MYCT1: variants seen among roughly 807,000 people sequenced by gnomAD.
MYCT1 encodes MYC target 1.
MYCT1 carries 12 observed loss-of-function variants against 15.0 expected under a neutral mutation model. The ratio of observed to expected loss-of-function variants is 0.80; its 90% CI spans 0.51 to 1.29. The LOEUF is 1.29. Among genes scored for constraint, MYCT1 ranks in the 50% most tolerant of loss-of-function variants. MYCT1 has a pLI of 0.00. For synonymous variants in MYCT1, 104 were observed against 102.7 expected, an observed-to-expected ratio of 1.01 and a Z score of -0.07; for missense variants, 287 against 279.1, an observed-to-expected ratio of 1.03 and a Z score of -0.20.
chr6:152,707,973 A>G (rs2099722595), intron 1 of MYCT1, among the ~76,000 whole-genome samples: 1 of 151,902 alleles, frequency 6.6e-6, no homozygotes, highest in South Asian at 2.1e-4. Context: ...TTGTATTGTC[A>G]TCATATACAA....
At chr6:152,739,336 ATTTTTGTATTT>A in the MYCT1 span, among the ~76,000 whole-genome samples, 1 of 151,620 alleles carries the variant, frequency 6.6e-6, no homozygotes, top group Non-Finnish European at 1.5e-5. Context: ...TATTCTAAAT[ATTTTTGTATTT>A]TTTTTTGCTG....
At chr6:152,742,608 A>C in the MYCT1 span, among the ~76,000 whole-genome samples, 2 of 152,210 alleles carry the variant, frequency 1.3e-5, no homozygotes, top group Non-Finnish European at 2.9e-5. Flanking sequence ...GCTTGGAAGA[A>C]AAAAGGTTGT....
chr6:152,738,586 AT>A, the MYCT1 span, among the ~76,000 whole-genome samples: 5 of 152,004 alleles, frequency 3.3e-5, no homozygotes, highest in South Asian at 4.2e-4. Flanking sequence ...TTTATACCAT[AT>A]TTTTTTTCCT....
the MYCT1 span, among the ~76,000 whole-genome samples, chr6:152,736,300 T>C: frequency 2.0e-5 from 3 of 152,144 alleles, no homozygotes; most frequent in African/African-American, 7.2e-5. Flanking sequence ...AATTACTAAG[T>C]AATACCCTTA....
At chr6:152,701,831 C>T (rs7754343) in intron 1 of MYCT1, among the ~76,000 whole-genome samples, 1 of 152,118 alleles carries the variant, frequency 6.6e-6, no homozygotes, top group East Asian at 1.9e-4. Flanking sequence ...TATTCGGGTA[C>T]TTCTCCATCT....
At chr6:152,699,468 G>A (rs1270422616) in intron 1 of MYCT1, among the ~76,000 whole-genome samples, 1 of 152,078 alleles carries the variant, frequency 6.6e-6, no homozygotes, top group South Asian at 2.1e-4. Context: ...AAAGGCTTTG[G>A]TAATAGGTTA....
At chr6:152,705,902 A>G in intron 1 of MYCT1, 1 of 756,794 alleles carries the variant, frequency 1.3e-6, no homozygotes, top group Non-Finnish European at 2.4e-6. Context: ...AAAGTTCCTC[A>G]GAAGTTGGTT....
At position 152,712,492 on chromosome 6, in the gene MYCT1, G is replaced by C. The variant is rs1355001484; in HGVS notation, c.197-9250G>C. Among the ~76,000 whole-genome samples the C allele has an allele frequency of 4.2e-5, 3 of 71,956 alleles. 1 individual carries two copies. The highest frequency in any genetic ancestry group is 9.9e-5 in the Non-Finnish European group (3 of 30,204). 47.2% of individuals were successfully genotyped at this position (71,956 alleles called of 152,430 possible). On this transcript the variant is annotated intron_variant, in intron 1 of 1. Coordinates refer to ENST00000367245, the MANE Select transcript of MYCT1 (RefSeq NM_025107.3). ...AATGCCTCGCCCTGCTTCGGCTCGC[G>C]CACGGTGCGCACACACACTGGCCTG...
the MYCT1 span, among the ~76,000 whole-genome samples, chr6:152,732,736 GCACAGA>G: frequency 6.6e-6 from 1 of 152,132 alleles, no homozygotes; most frequent in Non-Finnish European, 1.5e-5. Flanking sequence ...GGAAGATTTG[GCACAGA>G]CACAAAGAAG....
chr6:152,717,892 C>A (rs1430004642), intron 1 of MYCT1, among the ~76,000 whole-genome samples: 2 of 152,036 alleles, frequency 1.3e-5, no homozygotes, highest in Non-Finnish European at 2.9e-5. Context: ...TTCCGTTGCA[C>A]CCCCATCTTA....
At chr6:152,701,913 T>C (rs1017227877) in intron 1 of MYCT1, among the ~76,000 whole-genome samples, 4 of 152,130 alleles carry the variant, frequency 2.6e-5, no homozygotes, top group African/African-American at 9.7e-5. Flanking sequence ...CCTTAGGAGG[T>C]TGGGCTACAT....
chr6:152,732,038 T>G, the MYCT1 span, among the ~76,000 whole-genome samples: 1 of 152,224 alleles, frequency 6.6e-6, no homozygotes, highest in Non-Finnish European at 1.5e-5. Flanking sequence ...GAAGGCTTAT[T>G]TGTGGATAAG....
intron 1 of MYCT1, 40 bp downstream of exon 1, chr6:152,698,138 G>A (rs117476832): frequency 0.022 from 28,370 of 1,280,114 alleles, 375 homozygotes; most frequent in Middle Eastern, 0.051. Flanking sequence ...TTAAAATTAG[G>A]ATGTAAGAAA....
intron 1 of MYCT1, among the ~76,000 whole-genome samples, chr6:152,698,858 C>G (rs2099720866): frequency 6.6e-6 from 1 of 151,988 alleles, no homozygotes. Flanking sequence ...TCCAGTGTTC[C>G]CTGATGTTGA....
At chr6:152,702,961 A>G (rs1370132335) in intron 1 of MYCT1, among the ~76,000 whole-genome samples, 1 of 152,198 alleles carries the variant, frequency 6.6e-6, no homozygotes, top group Non-Finnish European at 1.5e-5. Context: ...GGAACCCATA[A>G]GACTGGACTT....
At chr6:152,740,747 T>G in the MYCT1 span, among the ~76,000 whole-genome samples, 72 of 152,260 alleles carry the variant, frequency 4.7e-4, no homozygotes, top group African/African-American at 1.7e-3. Context: ...AGGACGAATA[T>G]TTTTTACTTT....
the MYCT1 span, among the ~76,000 whole-genome samples, chr6:152,732,576 T>G: frequency 2.6e-5 from 4 of 152,208 alleles, no homozygotes; most frequent in Admixed American, 1.3e-4. Context: ...TCTAAACTAG[T>G]CTTTGAACAA....
chr6:152,722,190 G>A lies in MYCT1; in HGVS notation c.645G>A (p.Val215=), dbSNP rs2099724837. ...ACTGGTCCAGTAACAGTCTTCGAGT[G>A]GGCCTTTCAACACCGCCCCCACCTG... ...PDYWSSNSLR[V]GLSTPPPPAY... is the part of the protein sequence containing the mutation. The change falls in exon 2 of 2, where the codon GTG becomes GTA. Residue 215 remains valine (V), a synonymous_variant. Coordinates refer to ENST00000367245, the MANE Select transcript of MYCT1 (RefSeq NM_025107.3). 6.2e-7 allele frequency: 1 copy of A among 1,614,102 alleles called. No homozygotes were observed. The highest frequency in any genetic ancestry group is 8.5e-7 in the Non-Finnish European group (1 of 1,179,998).
At chr6:152,701,733 A>G (rs1477599388) in intron 1 of MYCT1, among the ~76,000 whole-genome samples, 1 of 152,128 alleles carries the variant, frequency 6.6e-6, no homozygotes. Context: ...GAAATCTCCT[A>G]CTATAAAATC....
Sources: allele counts gnomAD v4.1 joint callset (sites outside exome capture counted in the v4.1 genomes callset), GRCh38; gene constraint gnomAD v4.1.1; transcripts MANE v1.5; gene names NCBI Gene and HGNC (gene_info 2026-07-23, HGNC 2026-07-21).